SCUBE1: variants seen among roughly 807,000 people sequenced by gnomAD.
The protein encoded by SCUBE1 is signal peptide, CUB and EGF-like domain-containing protein 1.
A neutral mutation model predicts 124.4 loss-of-function variants in SCUBE1; 59 were observed. That is an observed-to-expected ratio of 0.47 (90% CI 0.38 to 0.59). The LOEUF (loss-of-function observed/expected upper bound fraction) is 0.59, where lower values mean the gene tolerates loss of function less well. Ranked by LOEUF, SCUBE1 falls within the 20% of genes least tolerant of loss-of-function variation. The pLI is 0.00. For synonymous variants in SCUBE1, 545 were observed against 550.9 expected (o/e 0.99, Z 0.15); for missense variants, 1,150 against 1,371.2 (o/e 0.84, Z 2.55).
intron 7 of SCUBE1, chr22:43,232,619 A>G (rs562885424): frequency 6.6e-6 from 1 of 152,418 alleles, no homozygotes; most frequent in East Asian, 1.9e-4. Context: ...TTAACAGTGA[A>G]TGAGTTGTAG....
intron 6 of SCUBE1, among the ~76,000 whole-genome samples, chr22:43,244,602 CAGG>C (rs1252638929): frequency 1.3e-5 from 2 of 152,246 alleles, no homozygotes; most frequent in African/African-American, 4.8e-5. Context: ...CTGCGCTGTG[CAGG>C]GCACAAGGGC....
rs1926485681 is a variant in SCUBE1 at position 43,319,928 on chromosome 22, A to C, written c.349+9T>G. On this transcript the variant is annotated intron_variant, in intron 3 of 21. Transcript: ENST00000360835. ...TGCCCAGAGGGTAGGCTACAGCTGTATCACTCACCCAGGCAGTTGTGTCCA... is the reference window on the plus strand; with the variant it reads ...TGCCCAGAGGGTAGGCTACAGCTGTCTCACTCACCCAGGCAGTTGTGTCCA... The C allele has an allele frequency of 6.2e-7, 1 of 1,614,018 alleles. No homozygotes were observed.
chr22:43,221,024 G>A (rs920338970), intron 13 of SCUBE1, 149 bp downstream of exon 13: 1 of 626,614 alleles, frequency 1.6e-6, no homozygotes, highest in East Asian at 2.7e-5. Context: ...AATGTCCTTG[G>A]AAACTCTCAT....
chr22:43,251,373 A>C (rs1923440558), intron 6 of SCUBE1, among the ~76,000 whole-genome samples: 2 of 152,220 alleles, frequency 1.3e-5, no homozygotes, highest in African/African-American at 4.8e-5. Flanking sequence ...TTTTAGGCAG[A>C]ATAATGCCCC....
At chr22:43,290,395 C>T (rs1028365977) in intron 4 of SCUBE1, among the ~76,000 whole-genome samples, 6 of 152,354 alleles carry the variant, frequency 3.9e-5, no homozygotes, top group Middle Eastern at 3.4e-3. Context: ...TGCCCTGAGC[C>T]GAAACTCCAG....
At chr22:43,268,027 T>C (rs796187566) in intron 4 of SCUBE1, among the ~76,000 whole-genome samples, 24 of 152,308 alleles carry the variant, frequency 1.6e-4, no homozygotes, top group African/African-American at 5.8e-4. Flanking sequence ...CCCCCTCTGC[T>C]GTGAGCTTGG....
At chr22:43,219,235 C>A (rs138999) in intron 14 of SCUBE1, among the ~76,000 whole-genome samples, 2 of 151,890 alleles carry the variant, frequency 1.3e-5, no homozygotes, top group East Asian at 1.9e-4. Context: ...CTAGTCGCCA[C>A]GAGATGTGAC....
At chr22:43,230,166 G>A (rs1032766092) in intron 8 of SCUBE1, among the ~76,000 whole-genome samples, 4 of 152,180 alleles carry the variant, frequency 2.6e-5, no homozygotes, top group African/African-American at 7.2e-5. Context: ...TGGAATGAGC[G>A]AATGAATGTG....
At chr22:43,330,879 C>A (rs559985220) in intron 2 of SCUBE1, among the ~76,000 whole-genome samples, 1 of 152,168 alleles carries the variant, frequency 6.6e-6, no homozygotes, top group African/African-American at 2.4e-5. Context: ...CTTTCATCTT[C>A]GGCAGAGCAC....
At chr22:43,272,837 G>C (rs1924343867) in intron 4 of SCUBE1, among the ~76,000 whole-genome samples, 1 of 152,226 alleles carries the variant, frequency 6.6e-6, no homozygotes, top group African/African-American at 2.4e-5. Flanking sequence ...GAGCATCTAG[G>C]TGAAGCCTCT....
At chr22:43,269,098 G>A (rs1332234015) in intron 4 of SCUBE1, among the ~76,000 whole-genome samples, 13 of 152,136 alleles carry the variant, frequency 8.5e-5, no homozygotes, top group African/African-American at 2.7e-4. Context: ...GGGCATCACC[G>A]TGCCCACCTT....
At chr22:43,226,901 G>A (rs1347539304) in intron 10 of SCUBE1, among the ~76,000 whole-genome samples, 1 of 152,150 alleles carries the variant, frequency 6.6e-6, no homozygotes, top group African/African-American at 2.4e-5. Context: ...CTTTCCAGGA[G>A]GCACTGCCAC....
At chr22:43,311,289 T>C (rs1337458228) in intron 3 of SCUBE1, among the ~76,000 whole-genome samples, 1 of 152,226 alleles carries the variant, frequency 6.6e-6, no homozygotes, top group African/African-American at 2.4e-5. Flanking sequence ...GGAGATGTTG[T>C]AGCCTTTGTT....
In SCUBE1 at chr22:43,223,117, G is replaced by C. The variant is rs756081899; in HGVS notation, c.1307C>G (p.Ala436Gly). Residue 436 changes from alanine to glycine, a missense_variant, in exon 11 of 22, where the codon GCT becomes GGT. This residue lies in a region of SCUBE1 where 757 missense variants were observed against 840.9 expected (regional missense o/e 0.90). Transcript: ENST00000360835. ...GTTACCTGGCACGAAGAGTGTGTGAGCCGGGCAGGAAAGGAAGCAGCTCTC... is the reference window on the plus strand; with the variant it reads ...GTTACCTGGCACGAAGAGTGTGTGACCCGGGCAGGAAAGGAAGCAGCTCTC... ...GVESCFLSCP[A>G]HTLFVPDSEN... is the part of the protein sequence containing the mutation. The C allele has an allele frequency of 1.9e-6, 3 of 1,552,258 alleles. No individual in the cohort carries two copies. In the South Asian group the frequency reaches 3.7e-5, roughly 19 times the overall value.
chr22:43,215,886 C>T (rs936118755), intron 15 of SCUBE1, among the ~76,000 whole-genome samples: 3 of 151,000 alleles, frequency 2.0e-5, no homozygotes, highest in African/African-American at 7.4e-5. Context: ...GTGAAGACTA[C>T]ACACTCACAC....
At chr22:43,301,137 T>C (rs908363054) in intron 3 of SCUBE1, among the ~76,000 whole-genome samples, 1 of 152,158 alleles carries the variant, frequency 6.6e-6, no homozygotes, top group Non-Finnish European at 1.5e-5. Flanking sequence ...GCAGGTCCAG[T>C]CCTTTCAATT....
At chr22:43,280,049 G>A (rs1252844286) in intron 4 of SCUBE1, among the ~76,000 whole-genome samples, 1 of 152,184 alleles carries the variant, frequency 6.6e-6, no homozygotes, top group East Asian at 1.9e-4. Flanking sequence ...CCAGGCCTGA[G>A]CCAGCCAGTC....
intron 6 of SCUBE1, among the ~76,000 whole-genome samples, chr22:43,251,113 A>G (rs1374884550): frequency 6.6e-6 from 1 of 152,164 alleles, no homozygotes; most frequent in Non-Finnish European, 1.5e-5. Context: ...GGGGTTGAGC[A>G]GTACTGGTGA....
chr22:43,281,432 C>CCT (rs1265645246), intron 4 of SCUBE1, among the ~76,000 whole-genome samples: 6 of 90,742 alleles, frequency 6.6e-5, no homozygotes, highest in African/African-American at 6.2e-4. Context: ...CCTGTCACCT[C>CCT]CCTTGGCCAC....
Sources: allele counts gnomAD v4.1 joint callset (sites outside exome capture counted in the v4.1 genomes callset), GRCh38; gene constraint gnomAD v4.1.1; regional missense constraint gnomAD v4.1.1; transcripts MANE v1.5; gene names NCBI Gene and HGNC (gene_info 2026-07-23, HGNC 2026-07-21).